PRH1: variants seen among roughly 807,000 people sequenced by gnomAD.
The protein encoded by PRH1 is salivary acidic proline-rich phosphoprotein 1/2.
PRH1 carries 7 observed loss-of-function variants against 7.9 expected under a neutral mutation model. The observed-to-expected ratio is 0.89, with a 90% CI of 0.50 to 1.67. The LOEUF (loss-of-function observed/expected upper bound fraction) is 1.67, where lower values mean the gene tolerates loss of function less well. Ranked by LOEUF, PRH1 falls within the 40% of genes most tolerant of loss-of-function variation. The pLI is 0.00. For synonymous variants in PRH1, 45 were observed against 80.8 expected (o/e 0.56, Z 2.38); for missense variants, 109 against 223.6 (o/e 0.49, Z 3.27).
intron 2 of PRH1, among the ~76,000 whole-genome samples, chr12:10,962,597 C>T (rs571902741): frequency 1.1e-3 from 172 of 152,338 alleles, no homozygotes; most frequent in Non-Finnish European, 2.2e-3. Context: ...ATTCATGCAA[C>T]TGTAGATTTT....
chr12:11,041,603 C>T (rs920306963), intron 1 of PRH1, among the ~76,000 whole-genome samples: 4 of 152,174 alleles, frequency 2.6e-5, no homozygotes, highest in Non-Finnish European at 2.9e-5. Flanking sequence ...AAACATCAGA[C>T]TTAATCTGCA....
chr12:10,993,154 TTC>T (rs1940024418), intron 1 of PRH1, among the ~76,000 whole-genome samples: 1 of 152,232 alleles, frequency 6.6e-6, no homozygotes, highest in Non-Finnish European at 1.5e-5. Context: ...ATGTGGTACC[TTC>T]ACTGAGAAAA....
rs1950067784 is a variant in PRH1, at chr12:10,922,832, T to TTTTTTTTTTTTTTTTTTTTTTTTTG, written c.-58-38558_-58-38557insCAAAAAAAAAAAAAAAAAAAAAAAA. Among the ~76,000 whole-genome samples the TTTTTTTTTTTTTTTTTTTTTTTTTG allele has an allele frequency of 1.9e-5, 2 of 107,448 alleles. 1 individual carries two copies. 70.5% of individuals were successfully genotyped at this position (107,448 alleles called of 152,430 possible). A position where few individuals can be genotyped will look rare whatever the true frequency, so the allele number is the denominator to read the frequency against. Reference sequence around the variant, plus strand: ...CTTTTCCATGAATTTTTTCTTTTTCTTTTTTTTGAGACGGAGTCTCGCTCT... The same window carrying TTTTTTTTTTTTTTTTTTTTTTTTTG: ...CTTTTCCATGAATTTTTTCTTTTTCTTTTTTTTTTTTTTTTTTTTTTTTTGTTTTTTTGAGACGGAGTCTCGCTCT... On this transcript the variant is annotated intron_variant, in intron 2 of 3. Coordinates refer to the PRH1 transcript ENST00000539853.
chr12:10,964,783 CAG>C lies in PRH1; in HGVS notation c.-59+8870_-59+8871del, dbSNP rs1446315823. On this transcript the variant is annotated intron_variant, in intron 2 of 3. Transcript: ENST00000539853. ...TTAAGAGCAGAAAAGATAACAGGGA[CAG>C]AGTAAAGGGTATTAAGTTTGCAAGC... 6.5e-6 allele frequency: 4 copies of C among 611,042 alleles called. No homozygotes were observed. In the African/African-American group the frequency reaches 7.4e-5, roughly 11 times the overall value. 37.9% of individuals were successfully genotyped at this position (611,042 alleles called of 1,614,324 possible). A position where few individuals can be genotyped will look rare whatever the true frequency, so the allele number is the denominator to read the frequency against.
At chr12:10,940,641 A>G (rs888982006) in intron 2 of PRH1, among the ~76,000 whole-genome samples, 9 of 152,198 alleles carry the variant, frequency 5.9e-5, no homozygotes, top group African/African-American at 1.2e-4. Flanking sequence ...TCCTCACTAC[A>G]GGGACCAATG....
At chr12:11,021,815 T>A (rs1319135078) in intron 1 of PRH1, 1 of 1,614,266 alleles carries the variant, frequency 6.2e-7, no homozygotes, top group African/African-American at 1.3e-5. Context: ...TGCTGTGTCC[T>A]AAGATTCCAA....
chr12:10,921,278 G>T (rs1950041506), intron 2 of PRH1, among the ~76,000 whole-genome samples: 1 of 151,954 alleles, frequency 6.6e-6, no homozygotes, highest in South Asian at 2.1e-4. Flanking sequence ...CTTAGTAAAA[G>T]TTTTTTATAA....
chr12:11,082,908 A>T (rs1478517275), intron 1 of PRH1, among the ~76,000 whole-genome samples: 1 of 116,066 alleles, frequency 8.6e-6, no homozygotes, highest in Admixed American at 8.8e-5. Context: ...GCTTAATTTC[A>T]TTCTCAGCTA....
At chr12:11,133,281 T>G in intron 1 of PRH1, 4 of 1,593,238 alleles carry the variant, frequency 2.5e-6, no homozygotes, top group Non-Finnish European at 3.4e-6. Context: ...CAGTTTGTTT[T>G]CTGCTAGAAG....
chr12:11,031,525 G>C (rs1942217703), intron 1 of PRH1: 3 of 649,528 alleles, frequency 4.6e-6, no homozygotes, highest in East Asian at 6.0e-5. Context: ...AGAGAGAAAG[G>C]ACAAAGCTTC....
intron 1 of PRH1, among the ~76,000 whole-genome samples, chr12:11,071,694 A>T (rs139916796): frequency 1.1e-3 from 169 of 148,656 alleles, no homozygotes; most frequent in African/African-American, 4.1e-3. Flanking sequence ...TTGGGGCGGC[A>T]GCTGACAGCA....
At chr12:11,075,279 A>C (rs796397602) in intron 1 of PRH1, among the ~76,000 whole-genome samples, 43,610 of 92,162 alleles carry the variant, frequency 0.47, 7,177 homozygotes, top group Non-Finnish European at 0.57. Flanking sequence ...CTTTGTGTAT[A>C]TAGTAACCAG....
rs1942025349 is a variant in PRH1, at chr12:11,028,428, T to C, written c.-126+18592A>G. Among the ~76,000 whole-genome samples the C allele has an allele frequency of 2.6e-5, 4 of 152,244 alleles. No individual in the cohort carries two copies. The South Asian group carries it at 8.3e-4, about 32-fold the overall frequency. On this transcript the variant is annotated intron_variant, in intron 1 of 3. Transcript: ENST00000539853. The stretch of plus-strand genomic sequence containing the variant: ...CACTGTGAAGTGGCTGCCATCAGGG[T>C]CATACCAGACATCACCACACATTGT...
intron 1 of PRH1, among the ~76,000 whole-genome samples, chr12:11,027,381 A>C (rs1271515990): frequency 6.6e-6 from 1 of 151,230 alleles, no homozygotes; most frequent in East Asian, 1.9e-4. Flanking sequence ...ACCAGAAGAA[A>C]AGAAATCAAC....
At chr12:10,929,778 T>C (rs1447499132) in intron 2 of PRH1, among the ~76,000 whole-genome samples, 7 of 152,180 alleles carry the variant, frequency 4.6e-5, no homozygotes, top group African/African-American at 1.7e-4. Context: ...AACACTTGCC[T>C]CTGTCTACAT....
chr12:10,972,184 C>CCATTACTAG (rs1288475324), intron 2 of PRH1, among the ~76,000 whole-genome samples: 1 of 152,002 alleles, frequency 6.6e-6, no homozygotes, highest in Non-Finnish European at 1.5e-5. Context: ...ACAAATTCCA[C>CCATTACTAG]CATTACTAGT....
At chr12:11,165,843 G>A (rs1947558926) in intron 1 of PRH1, among the ~76,000 whole-genome samples, 1 of 152,200 alleles carries the variant, frequency 6.6e-6, no homozygotes, top group Non-Finnish European at 1.5e-5. Context: ...CTCAGTGTTT[G>A]TGCTCAGCTT....
chr12:11,037,778 A>T (rs373751165), intron 1 of PRH1, among the ~76,000 whole-genome samples: 2,040 of 152,034 alleles, frequency 0.013, no homozygotes, highest in Middle Eastern at 0.027. Context: ...GGTGGCTCAC[A>T]CCTATAATCC....
At chr12:11,066,501 T>C (rs1395351223) in intron 1 of PRH1, among the ~76,000 whole-genome samples, 1 of 151,936 alleles carries the variant, frequency 6.6e-6, no homozygotes, top group African/African-American at 2.4e-5. Context: ...AATTTCTAAA[T>C]CTACATGTAT....
Sources: allele counts gnomAD v4.1 joint callset (sites outside exome capture counted in the v4.1 genomes callset), GRCh38; gene constraint gnomAD v4.1.1; transcripts MANE v1.5; gene names NCBI Gene and HGNC (gene_info 2026-07-23, HGNC 2026-07-21).